Variants in SORBS2 observed in about 807,000 individuals in gnomAD.
SORBS2 encodes the protein sorbin and SH3 domain containing 2, also known as sorbin and SH3 domain-containing protein 2.
In SORBS2, 46 loss-of-function variants were observed where a neutral mutation model predicts 97.7. That is an observed-to-expected ratio of 0.47 (90% CI 0.37 to 0.60). The LOEUF is 0.60. Ranked by LOEUF, SORBS2 falls within the 20% of genes least tolerant of loss-of-function variation. SORBS2 has a pLI of 0.00. For missense variants in SORBS2, 1,316 were observed against 1,282.3 expected, an observed-to-expected ratio of 1.03 and a Z score of -0.40; for synonymous variants, 476 against 473.4, an observed-to-expected ratio of 1.01 and a Z score of -0.07.
chr4:185,777,468 G>A (rs1178950040), intron 1 of SORBS2, among the ~76,000 whole-genome samples: 1 of 152,050 alleles, frequency 6.6e-6, no homozygotes, highest in Non-Finnish European at 1.5e-5. Flanking sequence ...AGGGTATAAT[G>A]CATTTAAATA....
chr4:185,935,245 C>A (rs902374182), intron 1 of SORBS2, among the ~76,000 whole-genome samples: 1 of 152,202 alleles, frequency 6.6e-6, no homozygotes, highest in Non-Finnish European at 1.5e-5. Context: ...TCCCAAGTAT[C>A]TACTATTTCC....
At chr4:185,774,358 G>A (rs993221884) in intron 2 of SORBS2, 6 of 152,006 alleles carry the variant, frequency 3.9e-5, no homozygotes, top group Non-Finnish European at 1.5e-5. Context: ...AGATCAGTGA[G>A]GAAAACTAAA....
At chr4:185,643,876 G>T (rs556170100) in intron 4 of SORBS2, among the ~76,000 whole-genome samples, 1 of 152,128 alleles carries the variant, frequency 6.6e-6, no homozygotes, top group Non-Finnish European at 1.5e-5. Flanking sequence ...GCTGGCCATC[G>T]CTGCGACGCC....
intron 6 of SORBS2, 37 bp downstream of exon 18, chr4:185,626,795 A>G (rs2096823408): frequency 6.2e-7 from 1 of 1,600,710 alleles, no homozygotes; most frequent in Non-Finnish European, 8.6e-7. Context: ...TAAAACGTAA[A>G]CTAGTAAATT....
rs191174060 is a variant in SORBS2, at chr4:185,859,394, T to G, written c.-337-84028A>C. Among the ~76,000 whole-genome samples the G allele has an allele frequency of 2.6e-3, 402 of 152,284 alleles. 1 individual carries two copies. Among genetic ancestry groups the G allele is most frequent in the Non-Finnish European group, 3.3e-3 (223 of 68,020 alleles). ...TGCCTGCCTCTCTCTTATCTCTTAA[T>G]CCACTTCCCTCACACCCTGCGTTTC... On this transcript the variant is annotated intron_variant, in intron 1 of 20. Transcript: ENST00000284776.
chr4:185,808,886 T>C (rs1343636222), intron 1 of SORBS2, among the ~76,000 whole-genome samples: 1 of 152,222 alleles, frequency 6.6e-6, no homozygotes, highest in Non-Finnish European at 1.5e-5. Flanking sequence ...ATATTTTCTA[T>C]ACATTTTATA....
intron 4 of SORBS2, among the ~76,000 whole-genome samples, chr4:185,674,407 T>G (rs2097763591): frequency 6.6e-6 from 1 of 152,192 alleles, no homozygotes; most frequent in Non-Finnish European, 1.5e-5. Flanking sequence ...CCTCCTCTGC[T>G]GCCCCCTGCT....
chr4:185,954,970 C>CA (rs1280424293), intron 1 of SORBS2, among the ~76,000 whole-genome samples: 4 of 151,850 alleles, frequency 2.6e-5, no homozygotes, highest in East Asian at 1.9e-4. Flanking sequence ...AACAAAGAAA[C>CA]AAAAAAACAG....
intron 1 of SORBS2, among the ~76,000 whole-genome samples, chr4:185,916,525 C>T (rs2099258214): frequency 6.6e-6 from 1 of 152,180 alleles, no homozygotes; most frequent in Non-Finnish European, 1.5e-5. Context: ...GACTCAATAG[C>T]TGGATTCTTG....
chr4:185,953,143 C>T (rs566492776), intron 1 of SORBS2, among the ~76,000 whole-genome samples: 64 of 152,260 alleles, frequency 4.2e-4, no homozygotes, highest in South Asian at 2.1e-4. Context: ...AGTGAAACCC[C>T]GTCTCTACTA....
In SORBS2 at chr4:185,589,691, C is replaced by T. The variant is rs747632426; in HGVS notation, c.2941G>A (p.Gly981Ser). The T allele has an allele frequency of 4.4e-6, 7 of 1,604,452 alleles. No individual in the cohort carries two copies. The highest frequency in any genetic ancestry group is 4.5e-5 in the East Asian group (2 of 44,858). Residue 981 changes from glycine to serine, a missense_variant, in exon 14 of 15, where the codon GGC (glycine) becomes AGC (serine). Physicochemically the swap from Gly to Ser is moderately conservative, Grantham distance 56. Coordinates refer to ENST00000418609, the Ensembl canonical transcript of SORBS2. ...GAAGCGCACATACCCACAAACCAGC[C>T]GTCATCACACTTTTCCATGACATCA...
rs575014279 is a variant in SORBS2 at position 185,746,966 on chromosome 4, T to C, written c.-198+28261A>G. On this transcript the variant is annotated intron_variant, in intron 2 of 20. Coordinates refer to the SORBS2 transcript ENST00000284776. ...GAGGGGAAAAGTTAAACTGAAGTCA[T>C]TAGGGTGGGCCTTAATCCAATCTAG... Among the ~76,000 whole-genome samples, 6 of 152,224 alleles carry C rather than the reference T, an allele frequency of 3.9e-5. No individual in the cohort carries two copies. The East Asian group carries it at 1.2e-3, about 29-fold the overall frequency.
intron 1 of SORBS2, among the ~76,000 whole-genome samples, chr4:185,801,125 T>G (rs2099128409): frequency 6.6e-6 from 1 of 152,234 alleles, no homozygotes; most frequent in Non-Finnish European, 1.5e-5. Flanking sequence ...TAAGTGAGAT[T>G]GTACAGTATT....
intron 4 of SORBS2, among the ~76,000 whole-genome samples, chr4:185,670,616 T>A (rs2097698509): frequency 6.6e-6 from 1 of 152,058 alleles, no homozygotes; most frequent in South Asian, 2.1e-4. Context: ...GGGTTTTTTT[T>A]TTTTTGGAGT....
chr4:185,893,881 C>G (rs1288389660), intron 1 of SORBS2, among the ~76,000 whole-genome samples: 1 of 152,180 alleles, frequency 6.6e-6, no homozygotes, highest in Non-Finnish European at 1.5e-5. Flanking sequence ...GTAAAAGTCT[C>G]TATCAGACCT....
At position 185,783,182 on chromosome 4, in the gene SORBS2, G is replaced by A. The variant is rs533970533; in HGVS notation, c.-337-7816C>T. On this transcript the variant is annotated intron_variant, in intron 1 of 20. Transcript: ENST00000284776. ...AAGCCCAATGAAGGACAGTTGACCA[G>A]CATTCAAGAGGTAGAAGGAACTATA... 4.6e-5 allele frequency among the ~76,000 whole-genome samples: 7 copies of A among 152,328 alleles called. No individual in the cohort carries two copies. In the South Asian group the frequency reaches 1.5e-3, roughly 32 times the overall value.
chr4:185,741,403 T>G (rs1238299152), intron 2 of SORBS2, among the ~76,000 whole-genome samples: 10 of 112,470 alleles, frequency 8.9e-5, no homozygotes, highest in African/African-American at 1.7e-4. Flanking sequence ...CTTTTTTTTT[T>G]GTTTTTTTTT....
chr4:185,674,054 C>G (rs1229217683), intron 4 of SORBS2, among the ~76,000 whole-genome samples: 6 of 152,182 alleles, frequency 3.9e-5, no homozygotes, highest in Admixed American at 2.6e-4. Context: ...CCCTGCTGAT[C>G]TCACTCTGTC....
intron 1 of SORBS2, among the ~76,000 whole-genome samples, chr4:185,802,201 GAATA>G (rs1481352722): frequency 1.3e-5 from 2 of 152,132 alleles, no homozygotes; most frequent in African/African-American, 2.4e-5. Context: ...TCTTTTGAAG[GAATA>G]AATAAATGCA....
Sources: allele counts gnomAD v4.1 joint callset (sites outside exome capture counted in the v4.1 genomes callset), GRCh38; gene constraint gnomAD v4.1.1; transcripts MANE v1.5; gene names NCBI Gene and HGNC (gene_info 2026-07-23, HGNC 2026-07-21).